Variants in CNTNAP2 observed in about 807,000 individuals in gnomAD.
The protein encoded by CNTNAP2 is contactin associated protein 2, also known as contactin-associated protein-like 2.
In CNTNAP2, 98 loss-of-function variants were observed where a neutral mutation model predicts 155.2. The ratio of observed to expected loss-of-function variants is 0.63; its 90% CI spans 0.54 to 0.75. The LOEUF (loss-of-function observed/expected upper bound fraction) is 0.75, where lower values mean the gene tolerates loss of function less well. CNTNAP2 is among the 30% of genes least tolerant of loss of function. The pLI, the probability that CNTNAP2 is intolerant of heterozygous loss-of-function variation, is 0.00. For synonymous variants in CNTNAP2, 651 were observed against 631.2 expected (o/e 1.03, Z -0.47); for missense variants, 1,727 against 1,688.1 (o/e 1.02, Z -0.40).
At chr7:146,559,811 A>G (rs1342898194) in intron 1 of CNTNAP2, among the ~76,000 whole-genome samples, 6 of 151,428 alleles carry the variant, frequency 4.0e-5, no homozygotes, top group Non-Finnish European at 8.8e-5. Flanking sequence ...TGGATAAATA[A>G]GTTTTATTTG....
chr7:148,127,500 A>G (rs1804740847), intron 16 of CNTNAP2, among the ~76,000 whole-genome samples: 1 of 152,228 alleles, frequency 6.6e-6, no homozygotes, highest in African/African-American at 2.4e-5. Context: ...TAGCAGACAT[A>G]TCTCCACAAA....
intron 13 of CNTNAP2, among the ~76,000 whole-genome samples, chr7:147,734,050 A>G (rs911581010): frequency 6.6e-6 from 1 of 152,084 alleles, no homozygotes; most frequent in African/African-American, 2.4e-5. Flanking sequence ...TTCCAACACT[A>G]TGTTCAATAG....
At chr7:146,732,645 A>T (rs553060395) in intron 1 of CNTNAP2, among the ~76,000 whole-genome samples, 3 of 152,250 alleles carry the variant, frequency 2.0e-5, no homozygotes, top group Admixed American at 2.0e-4. Flanking sequence ...CCATCATACC[A>T]AAAAGAAATA....
rs551364603 is a variant in CNTNAP2, at chr7:146,197,951, G to C, written c.97+80978G>C. ...AACTTAGAATCATGGTGGAAGGGGA[G>C]GGGGAGCAAGGCATGTCTTACATGG... On this transcript the variant is annotated intron_variant, in intron 1 of 23. Coordinates refer to ENST00000361727, the MANE Select transcript of CNTNAP2 (RefSeq NM_014141.6). 1.2e-4 allele frequency among the ~76,000 whole-genome samples: 19 copies of C among 152,196 alleles called. 1 individual carries two copies. In the South Asian group the frequency reaches 4.0e-3, roughly 32 times the overall value.
chr7:147,010,650 G>A (rs1323666736), intron 3 of CNTNAP2, among the ~76,000 whole-genome samples: 1 of 152,062 alleles, frequency 6.6e-6, no homozygotes, highest in Non-Finnish European at 1.5e-5. Flanking sequence ...GAATCTTTCA[G>A]TTCATATAGT....
At chr7:147,083,861 A>ATGTATGTACATATTATATACATATACACG (rs1375325783) in intron 4 of CNTNAP2, among the ~76,000 whole-genome samples, 9 of 140,668 alleles carry the variant, frequency 6.4e-5, no homozygotes, top group African/African-American at 2.3e-4. Flanking sequence ...ACATATACAC[A>ATGTATGTACATATTATATACATATACACG]TGTATGTACA....
At chr7:147,060,193 ATGTATC>A (rs58268427) in intron 4 of CNTNAP2, among the ~76,000 whole-genome samples, 35,933 of 151,488 alleles carry the variant, frequency 0.24, 5,286 homozygotes, top group African/African-American at 0.41. Context: ...AAAAAAAAAA[ATGTATC>A]TGTCCTTGAG....
intron 8 of CNTNAP2, among the ~76,000 whole-genome samples, chr7:147,198,478 C>T (rs946513522): frequency 3.3e-5 from 5 of 152,166 alleles, no homozygotes; most frequent in Non-Finnish European, 7.4e-5. Context: ...GCGATCCACC[C>T]ACCTCAGCCT....
chr7:146,388,481 G>A (rs1795493074), intron 1 of CNTNAP2, among the ~76,000 whole-genome samples: 1 of 151,868 alleles, frequency 6.6e-6, no homozygotes. Context: ...TATATTTATG[G>A]GGTACATGAG....
intron 1 of CNTNAP2, among the ~76,000 whole-genome samples, chr7:146,233,681 G>C (rs960951368): frequency 4.6e-5 from 7 of 151,616 alleles, no homozygotes; most frequent in African/African-American, 1.7e-4. Flanking sequence ...TGTTCTCATT[G>C]TTCAATTCCC....
chr7:146,236,530 T>C (rs949168360), intron 1 of CNTNAP2, among the ~76,000 whole-genome samples: 3 of 152,194 alleles, frequency 2.0e-5, no homozygotes, highest in African/African-American at 7.2e-5. Context: ...TTAGAAAAAG[T>C]ATCAACATGA....
intron 3 of CNTNAP2, among the ~76,000 whole-genome samples, chr7:147,000,910 G>T (rs779713714): frequency 3.9e-5 from 6 of 152,052 alleles, no homozygotes; most frequent in Non-Finnish European, 7.4e-5. Context: ...AGGGCCTGGG[G>T]GTTCCTATCT....
At chr7:148,087,923 A>G (rs1040152869) in intron 15 of CNTNAP2, among the ~76,000 whole-genome samples, 1 of 152,148 alleles carries the variant, frequency 6.6e-6, no homozygotes, top group Non-Finnish European at 1.5e-5. Flanking sequence ...ATATATTGCT[A>G]TGCTCTACTT....
intron 9 of CNTNAP2, among the ~76,000 whole-genome samples, chr7:147,343,789 G>T (rs7784277): frequency 0.17 from 26,472 of 151,796 alleles, 2,473 homozygotes; most frequent in African/African-American, 0.23. Context: ...ATTCTCTATT[G>T]CTTATCTTCA....
intron 9 of CNTNAP2, among the ~76,000 whole-genome samples, chr7:147,307,596 C>A (rs905192526): frequency 2.6e-5 from 4 of 151,688 alleles, no homozygotes; most frequent in South Asian, 2.1e-4. Flanking sequence ...ACCTGCCCCC[C>A]CAAAAAAGGA....
chr7:147,697,842 T>G (rs1796185485), intron 13 of CNTNAP2, among the ~76,000 whole-genome samples: 1 of 152,306 alleles, frequency 6.6e-6, no homozygotes, highest in Middle Eastern at 3.4e-3. Flanking sequence ...AACATTTCCT[T>G]TCTCCCTACT....
At chr7:147,550,601 T>C (rs1799832888) in intron 11 of CNTNAP2, among the ~76,000 whole-genome samples, 1 of 152,130 alleles carries the variant, frequency 6.6e-6, no homozygotes, top group Admixed American at 6.5e-5. Context: ...GAAGAAAGTC[T>C]CAAACTGAAG....
intron 12 of CNTNAP2, among the ~76,000 whole-genome samples, chr7:147,570,477 A>G (rs1043192572): frequency 6.6e-6 from 1 of 152,214 alleles, no homozygotes; most frequent in African/African-American, 2.4e-5. Flanking sequence ...AAACTTTGAC[A>G]ATAAAGATAA....
rs375398761 is a variant in CNTNAP2, at chr7:147,980,768, C to CA, written c.2383+2792dup. 3.0e-3 allele frequency among the ~76,000 whole-genome samples: 407 copies of CA among 135,610 alleles called. 1 individual carries two copies. Among genetic ancestry groups the CA allele is most frequent in the Middle Eastern group, 0.015 (4 of 274 alleles). The allele number at this position is 135,610 out of a possible 152,430, so 89.0% of individuals were successfully genotyped here. On this transcript the variant is annotated intron_variant, in intron 15 of 23. Coordinates refer to ENST00000361727, the MANE Select transcript of CNTNAP2 (RefSeq NM_014141.6). ...TGAAACCCCGTCTCTACTAAAAATA[C>CA]AAAAAAAAAAAAATTAGCCGGGCGT...
Sources: allele counts gnomAD v4.1 joint callset (sites outside exome capture counted in the v4.1 genomes callset), GRCh38; gene constraint gnomAD v4.1.1; transcripts MANE v1.5; gene names NCBI Gene and HGNC (gene_info 2026-07-23, HGNC 2026-07-21).